NRG1: variants seen among roughly 807,000 people sequenced by gnomAD.
NRG1 encodes pro-neuregulin-1, membrane-bound isoform.
In NRG1, 18 loss-of-function variants were observed where a neutral mutation model predicts 63.8. That is an observed-to-expected ratio of 0.28 (90% confidence interval 0.19 to 0.42). The LOEUF (loss-of-function observed/expected upper bound fraction) is 0.42, where lower values mean the gene tolerates loss of function less well. Among genes scored for constraint, NRG1 ranks in the 10% least tolerant of loss-of-function variants. NRG1 has a pLI of 1.00. For synonymous variants in NRG1, 302 were observed against 301.3 expected, an observed-to-expected ratio of 1.00 and a Z score of -0.02; for missense variants, 762 against 814.7, an observed-to-expected ratio of 0.94 and a Z score of 0.79.
chr8:31,852,159 T>C (rs1313248342), intron 1 of NRG1, among the ~76,000 whole-genome samples: 1 of 152,164 alleles, frequency 6.6e-6, no homozygotes, highest in Non-Finnish European at 1.5e-5. Flanking sequence ...GTATTTCTAG[T>C]TCTAGATCCC....
intron 9 of NRG1, among the ~76,000 whole-genome samples, chr8:32,757,943 G>A (rs1299862317): frequency 6.6e-6 from 1 of 152,142 alleles, no homozygotes; most frequent in Admixed American, 6.5e-5. Flanking sequence ...AAATGGTTCA[G>A]GGACTGGAAG....
chr8:32,609,110 C>T (rs1163435965), intron 3 of NRG1, among the ~76,000 whole-genome samples: 1 of 152,178 alleles, frequency 6.6e-6, no homozygotes, highest in African/African-American at 2.4e-5. Flanking sequence ...GCATGCAGCT[C>T]ACCTGGGCCT....
chr8:32,480,742 C>T (rs1029875259), intron 1 of NRG1, among the ~76,000 whole-genome samples: 2 of 152,094 alleles, frequency 1.3e-5, no homozygotes, highest in Admixed American at 1.3e-4. Flanking sequence ...AGGGGGAGCC[C>T]ACATATCAGA....
In NRG1 at chr8:32,049,684, A is replaced by G. The variant is rs1189028274; in HGVS notation, c.37+410253A>G. Reference sequence around the variant, plus strand: ...TAAAAGGAAATTGGGTGTGTATAAAACATCAGAGGAAACAAATTTAAGGCA... The same window carrying G: ...TAAAAGGAAATTGGGTGTGTATAAAGCATCAGAGGAAACAAATTTAAGGCA... On this transcript the variant is annotated intron_variant, in intron 1 of 10. Transcript: ENST00000519301. Among the ~76,000 whole-genome samples the G allele has an allele frequency of 2.0e-5, 3 of 152,268 alleles. No individual in the cohort carries two copies. The East Asian group carries it at 5.8e-4, about 29-fold the overall frequency.
At chr8:31,988,372 A>G (rs1293839606) in intron 1 of NRG1, among the ~76,000 whole-genome samples, 1 of 151,910 alleles carries the variant, frequency 6.6e-6, no homozygotes, top group African/African-American at 2.4e-5. Flanking sequence ...TGGGTCCTCA[A>G]TTTTTCCTGA....
intron 1 of NRG1, among the ~76,000 whole-genome samples, chr8:31,868,144 TCTTA>T (rs1382655217): frequency 0.016 from 1,804 of 111,030 alleles, 30 homozygotes; most frequent in African/African-American, 0.03. Context: ...CACACATACA[TCTTA>T]CACACACACA....
intron 1 of NRG1, among the ~76,000 whole-genome samples, chr8:32,247,080 A>G (rs1237040960): frequency 1.4e-5 from 2 of 148,088 alleles, no homozygotes; most frequent in East Asian, 2.0e-4. Flanking sequence ...TATACTTACA[A>G]TATCATAAAT....
chr8:31,935,977 T>G (rs1372774643), intron 1 of NRG1, among the ~76,000 whole-genome samples: 1 of 151,954 alleles, frequency 6.6e-6, no homozygotes, highest in East Asian at 1.9e-4. Context: ...AAGAGCATAA[T>G]AGCAGATAGG....
At chr8:31,863,506 A>G (rs1440646071) in intron 1 of NRG1, among the ~76,000 whole-genome samples, 2 of 152,212 alleles carry the variant, frequency 1.3e-5, no homozygotes, top group East Asian at 1.9e-4. Context: ...TTAATGATAC[A>G]TATGTCATAT....
intron 1 of NRG1, among the ~76,000 whole-genome samples, chr8:32,530,007 G>T (rs1831276435): frequency 2.0e-5 from 3 of 152,188 alleles, no homozygotes. Context: ...CCACTGGCAG[G>T]ACAGTAGGTT....
At chr8:32,469,362 G>C (rs1313622513) in intron 1 of NRG1, among the ~76,000 whole-genome samples, 1 of 152,168 alleles carries the variant, frequency 6.6e-6, no homozygotes, top group Non-Finnish European at 1.5e-5. Flanking sequence ...AAGCACACTG[G>C]GACTGTCGGA....
intron 5 of NRG1, among the ~76,000 whole-genome samples, chr8:32,650,331 C>T (rs775174006): frequency 2.2e-4 from 33 of 151,882 alleles, no homozygotes; most frequent in Non-Finnish European, 3.8e-4. Flanking sequence ...ACAGCTGCAA[C>T]GTTTTGAAGT....
intron 1 of NRG1, among the ~76,000 whole-genome samples, chr8:32,023,217 ATTCCT>A (rs1433545464): frequency 1.3e-5 from 2 of 152,220 alleles, no homozygotes; most frequent in Non-Finnish European, 2.9e-5. Flanking sequence ...TTCCCTTCAA[ATTCCT>A]TCTGAATCAC....
At chr8:31,909,039 A>G (rs767351015) in intron 1 of NRG1, among the ~76,000 whole-genome samples, 2 of 152,142 alleles carry the variant, frequency 1.3e-5, no homozygotes, top group Admixed American at 6.5e-5. Flanking sequence ...CCAAACTTCA[A>G]CTGTAGGTCA....
At chr8:32,463,411 T>A (rs1191280122) in intron 1 of NRG1, among the ~76,000 whole-genome samples, 1 of 152,232 alleles carries the variant, frequency 6.6e-6, no homozygotes, top group Non-Finnish European at 1.5e-5. Flanking sequence ...TTGCATTCCC[T>A]CTGAAAGTGG....
intron 1 of NRG1, among the ~76,000 whole-genome samples, chr8:31,999,481 A>G (rs1812572761): frequency 6.6e-6 from 1 of 152,060 alleles, no homozygotes; most frequent in Non-Finnish European, 1.5e-5. Flanking sequence ...AGATGTACTA[A>G]CTGAAAACTT....
chr8:32,085,158 T>C (rs957845813), intron 1 of NRG1, among the ~76,000 whole-genome samples: 2 of 152,236 alleles, frequency 1.3e-5, no homozygotes, highest in Admixed American at 1.3e-4. Flanking sequence ...ATTGATTCTC[T>C]GGCATTTAAA....
In NRG1 at chr8:32,542,564, G is replaced by T. The variant is rs1588182737; in HGVS notation, c.38-53264G>T. On this transcript the variant is annotated intron_variant, in intron 1 of 10. Transcript: ENST00000519301. ...TGAATGTTAAGTGGAATTAGGCAAA[G>T]TGTGGTGGTTGTGGGAAAATTCAGG... 2.0e-5 allele frequency among the ~76,000 whole-genome samples: 3 copies of T among 152,246 alleles called. No homozygotes were observed. In the East Asian group the frequency reaches 5.8e-4, roughly 29 times the overall value.
At chr8:32,756,810 G>T (rs1217607768) in intron 9 of NRG1, among the ~76,000 whole-genome samples, 1 of 152,170 alleles carries the variant, frequency 6.6e-6, no homozygotes, top group East Asian at 1.9e-4. Flanking sequence ...GGCTTGCGTG[G>T]AGAGAGTGGG....
Sources: allele counts gnomAD v4.1 joint callset (sites outside exome capture counted in the v4.1 genomes callset), GRCh38; gene constraint gnomAD v4.1.1; transcripts MANE v1.5; gene names NCBI Gene and HGNC (gene_info 2026-07-23, HGNC 2026-07-21).